The following ZMYND11 variants were observed in gnomAD, a reference collection of about 807,000 sequenced individuals.
ZMYND11 encodes the protein zinc finger MYND domain-containing protein 11.
In ZMYND11, 9 loss-of-function variants were observed where a neutral mutation model predicts 84.9. The observed-to-expected ratio is 0.11, with a 90% CI of 0.06 to 0.18. The LOEUF is 0.18. Among genes scored for constraint, ZMYND11 ranks in the 10% least tolerant of loss-of-function variants. The pLI is 1.00. For synonymous variants in ZMYND11, 250 were observed against 244.1 expected (o/e 1.02, Z -0.23); for missense variants, 409 against 761.0 (o/e 0.54, Z 5.44).
chr10:192,319 T>A (rs111910755), intron 2 of ZMYND11, among the ~76,000 whole-genome samples: 1 of 152,202 alleles, frequency 6.6e-6, no homozygotes, highest in Non-Finnish European at 1.5e-5. Flanking sequence ...ATCCGTGATA[T>A]CATTTGGCTC....
intron 12 of ZMYND11, 53 bp from the exon 13 acceptor site, chr10:248,283 C>G (rs1952599875): frequency 1.3e-6 from 2 of 1,573,928 alleles, no homozygotes; most frequent in African/African-American, 1.4e-5. Flanking sequence ...AGTTCTTGAA[C>G]TGGTGAATTA....
At chr10:198,012 A>C (rs1942220314) in intron 2 of ZMYND11, 1 of 602,210 alleles carries the variant, frequency 1.7e-6, no homozygotes, top group East Asian at 3.0e-5. Flanking sequence ...ACTGGTAAGT[A>C]AGTTTTTAAA....
At chr10:174,953 C>T (rs1271577408) in intron 1 of ZMYND11, among the ~76,000 whole-genome samples, 1 of 150,694 alleles carries the variant, frequency 6.6e-6, no homozygotes, top group East Asian at 2.0e-4. Flanking sequence ...GGTCAGAACC[C>T]ATGGGCACTA....
intron 3 of ZMYND11, among the ~76,000 whole-genome samples, chr10:212,511 A>T (rs1945422488): frequency 6.6e-6 from 1 of 151,230 alleles, no homozygotes; most frequent in African/African-American, 2.4e-5. Context: ...AGAAAGAAGT[A>T]AGATCTCGTA....
intron 10 of ZMYND11, among the ~76,000 whole-genome samples, chr10:243,683 GTGAAACCCCGTCTCTA>G (rs1365417034): frequency 2.0e-5 from 3 of 152,178 alleles, no homozygotes; most frequent in Non-Finnish European, 4.4e-5. Context: ...GGATAACACA[GTGAAACCCCGTCTCTA>G]CTAAAAATAT....
At chr10:243,773 G>A (rs1245015961) in intron 10 of ZMYND11, among the ~76,000 whole-genome samples, 1 of 152,202 alleles carries the variant, frequency 6.6e-6, no homozygotes, top group East Asian at 1.9e-4. Flanking sequence ...GCTGAGGCAG[G>A]AGAATGGCGT....
chr10:166,583 T>A (rs1487704726), intron 1 of ZMYND11, among the ~76,000 whole-genome samples: 2 of 152,058 alleles, frequency 1.3e-5, no homozygotes, highest in African/African-American at 4.8e-5. Context: ...AGTAAAAAAT[T>A]AGGAATAATA....
chr10:220,347 T>C (rs182597597), intron 3 of ZMYND11, among the ~76,000 whole-genome samples: 1 of 152,202 alleles, frequency 6.6e-6, no homozygotes, highest in East Asian at 1.9e-4. Context: ...TAAATATATT[T>C]TAAGAAAAGC....
chr10:222,628 G>A lies in ZMYND11; in HGVS notation c.438+1272G>A, dbSNP rs565470103. Among the ~76,000 whole-genome samples the A allele has an allele frequency of 8.6e-5, 13 of 151,740 alleles. No individual in the cohort carries two copies. The South Asian group carries it at 2.7e-3, about 32-fold the overall frequency. On this transcript the variant is annotated intron_variant, in intron 4 of 14. Transcript: ENST00000381604. ...TTTTATTCTCTTGTGGATTTCGATT[G>A]TACATTTTAAAAGCAAATATACATC...
At chr10:162,053 A>C (rs1388251695) in intron 1 of ZMYND11, among the ~76,000 whole-genome samples, 1 of 152,174 alleles carries the variant, frequency 6.6e-6, no homozygotes, top group African/African-American at 2.4e-5. Flanking sequence ...TTTTGACTTA[A>C]AGTGAGAGAG....
chr10:205,250 C>T (rs1178713202), intron 2 of ZMYND11, among the ~76,000 whole-genome samples: 1 of 152,170 alleles, frequency 6.6e-6, no homozygotes, highest in African/African-American at 2.4e-5. Context: ...TATATTTTTA[C>T]ACAGAACTGA....
chr10:218,950 C>A (rs1228066367), intron 3 of ZMYND11, among the ~76,000 whole-genome samples: 3 of 152,156 alleles, frequency 2.0e-5, no homozygotes, highest in Middle Eastern at 3.2e-3. Flanking sequence ...TTGACTTTTG[C>A]ATGTTTTGCA....
At chr10:160,106 A>T (rs1842632453) in intron 1 of ZMYND11, among the ~76,000 whole-genome samples, 1 of 152,216 alleles carries the variant, frequency 6.6e-6, no homozygotes, top group African/African-American at 2.4e-5. Flanking sequence ...AAGTAAAATG[A>T]TGGCTTTGAA....
At chr10:226,110 T>C (rs1376280684) in intron 4 of ZMYND11, among the ~76,000 whole-genome samples, 1 of 152,184 alleles carries the variant, frequency 6.6e-6, no homozygotes, top group Non-Finnish European at 1.5e-5. Context: ...AAAGCATCTT[T>C]AGGTATAAAA....
chr10:225,264 C>T (rs1361773868), intron 4 of ZMYND11, among the ~76,000 whole-genome samples: 1 of 152,046 alleles, frequency 6.6e-6, no homozygotes, highest in East Asian at 1.9e-4. Flanking sequence ...AGTATTATAC[C>T]CATGTACATC....
intron 11 of ZMYND11, 69 bp from the exon 12 acceptor site, chr10:247,329 A>G (rs1952355859): frequency 1.3e-6 from 2 of 1,537,136 alleles, no homozygotes; most frequent in East Asian, 2.3e-5. Context: ...TGGGTCCACT[A>G]TGAGTGTTTT....
chr10:207,154 C>G (rs577459518), intron 2 of ZMYND11, among the ~76,000 whole-genome samples: 77 of 152,314 alleles, frequency 5.1e-4, no homozygotes, highest in Non-Finnish European at 7.6e-4. Context: ...CATGTCCCTA[C>G]AAAGGACATG....
rs192210769 is a variant in ZMYND11, at chr10:153,837, A to G, written c.-20+18278A>G. On this transcript the variant is annotated intron_variant, in intron 1 of 14. Coordinates refer to ENST00000381604, the MANE Select transcript of ZMYND11 (RefSeq NM_001370100.5). ...CAAGCCAGTTTCTTCCACATAACCCATTCCCTGTGTAACCTTTAGCAAATA... is the reference window on the plus strand; with the variant it reads ...CAAGCCAGTTTCTTCCACATAACCCGTTCCCTGTGTAACCTTTAGCAAATA... 3.3e-3 allele frequency among the ~76,000 whole-genome samples: 499 copies of G among 152,274 alleles called. 5 individuals are homozygous for G. The highest frequency in any genetic ancestry group is 0.011 in the African/African-American group (453 of 41,556).
intron 2 of ZMYND11, among the ~76,000 whole-genome samples, chr10:183,824 C>G (rs1215358050): frequency 1.3e-5 from 2 of 152,160 alleles, no homozygotes; most frequent in Non-Finnish European, 2.9e-5. Context: ...GGCTCCTGAA[C>G]TACTTTCTGC....
Sources: allele counts gnomAD v4.1 joint callset (sites outside exome capture counted in the v4.1 genomes callset), GRCh38; gene constraint gnomAD v4.1.1; transcripts MANE v1.5; gene names NCBI Gene and HGNC (gene_info 2026-07-23, HGNC 2026-07-21).